Variants in FTO observed in about 807,000 individuals in gnomAD.
FTO encodes the protein alpha-ketoglutarate-dependent dioxygenase FTO.
Under a neutral mutation model 63.9 loss-of-function variants are expected in FTO, and 47 were observed. The ratio of observed to expected loss-of-function variants is 0.74; its 90% CI spans 0.58 to 0.94. FTO has a LOEUF of 0.94. Among genes scored for constraint, FTO ranks in the 40% least tolerant of loss-of-function variants. The pLI is 0.00. For synonymous variants in FTO, 207 were observed against 224.4 expected, an observed-to-expected ratio of 0.92 and a Z score of 0.69; for missense variants, 562 against 618.1, an observed-to-expected ratio of 0.91 and a Z score of 0.96.
intron 1 of FTO, among the ~76,000 whole-genome samples, chr16:53,799,234 A>G (rs949102996): frequency 3.9e-5 from 6 of 152,060 alleles, no homozygotes; most frequent in African/African-American, 1.4e-4. Context: ...AATTTTCTGG[A>G]TTAATTTATG....
At chr16:53,906,333 G>A (rs1235214020) in intron 7 of FTO, among the ~76,000 whole-genome samples, 3 of 152,188 alleles carry the variant, frequency 2.0e-5, no homozygotes, top group Admixed American at 1.3e-4. Flanking sequence ...GATAATTACT[G>A]TTCAACAGGC....
chr16:53,768,372 A>G (rs1396950560), intron 1 of FTO, among the ~76,000 whole-genome samples: 1 of 152,224 alleles, frequency 6.6e-6, no homozygotes, highest in Non-Finnish European at 1.5e-5. Context: ...TTCCTAGTAC[A>G]GTGCCTGGCA....
chr16:53,866,667 C>A (rs1395907804), intron 4 of FTO, among the ~76,000 whole-genome samples: 1 of 151,964 alleles, frequency 6.6e-6, no homozygotes, highest in Non-Finnish European at 1.5e-5. Context: ...TAACTATTGA[C>A]ATCATTTTAA....
chr16:53,999,577 A>T (rs1486828789), intron 8 of FTO: 1 of 152,252 alleles, frequency 6.6e-6, no homozygotes, highest in East Asian at 1.9e-4. Context: ...AGAATGTGGT[A>T]CTGCACATTT....
chr16:53,850,446 C>T (rs1250227657), intron 4 of FTO, among the ~76,000 whole-genome samples: 1 of 151,552 alleles, frequency 6.6e-6, no homozygotes, highest in Non-Finnish European at 1.5e-5. Flanking sequence ...TACTTGATAT[C>T]TGATTTTTTT....
At chr16:53,765,365 T>G (rs1462172037) in intron 1 of FTO, among the ~76,000 whole-genome samples, 1 of 101,678 alleles carries the variant, frequency 9.8e-6, no homozygotes. Context: ...GAGACCAGCC[T>G]GGGCAATATG....
In FTO at chr16:54,111,951, A is replaced by C. The variant is rs2086900413; in HGVS notation, c.*36A>C. On this transcript the variant is annotated 3_prime_UTR_variant, in exon 9 of 9. Coordinates refer to ENST00000471389, the MANE Select transcript of FTO (RefSeq NM_001080432.3). The stretch of plus-strand genomic sequence containing the variant: ...AGTCTCAGGCGGAGGAGAAAAAGAG[A>C]TCGGCTTTTCTCCTCCAACGTTGTC... The C allele has an allele frequency of 6.2e-7, 1 of 1,613,032 alleles. No homozygotes were observed. Among genetic ancestry groups the C allele is most frequent in the African/African-American group, 1.3e-5 (1 of 74,878 alleles).
At chr16:53,867,637 C>T (rs2080361616) in intron 4 of FTO, among the ~76,000 whole-genome samples, 1 of 151,880 alleles carries the variant, frequency 6.6e-6, no homozygotes, top group Non-Finnish European at 1.5e-5. Flanking sequence ...TTGGGGAATG[C>T]TCCATGTGAG....
intron 4 of FTO, among the ~76,000 whole-genome samples, chr16:53,856,251 T>G (rs1374559040): frequency 1.3e-5 from 2 of 152,186 alleles, no homozygotes; most frequent in Non-Finnish European, 2.9e-5. Context: ...GGAATGAGTT[T>G]GACTTTCCTC....
At chr16:54,048,999 T>C (rs1245945430) in intron 8 of FTO, among the ~76,000 whole-genome samples, 2 of 152,192 alleles carry the variant, frequency 1.3e-5, no homozygotes, top group Non-Finnish European at 2.9e-5. Context: ...GGAGATTTTT[T>C]TTTTCTCTTT....
intron 7 of FTO, among the ~76,000 whole-genome samples, chr16:53,926,297 C>G (rs1237395594): frequency 6.6e-6 from 1 of 152,204 alleles, no homozygotes; most frequent in East Asian, 1.9e-4. Context: ...TAGTTTGAAT[C>G]AAATCACAGA....
intron 8 of FTO, among the ~76,000 whole-genome samples, chr16:54,055,948 C>G (rs565444548): frequency 6.6e-6 from 1 of 152,316 alleles, no homozygotes; most frequent in East Asian, 1.9e-4. Context: ...TTGAGAAAGT[C>G]TTTGCCCTCC....
rs1193119292 is a variant in FTO, at chr16:53,756,099, C to T, written c.45+51870C>T. 2.0e-5 allele frequency among the ~76,000 whole-genome samples: 3 copies of T among 152,278 alleles called. No individual in the cohort carries two copies. The East Asian group carries it at 5.8e-4, about 29-fold the overall frequency. On this transcript the variant is annotated intron_variant, in intron 1 of 8. Coordinates refer to ENST00000471389, the MANE Select transcript of FTO (RefSeq NM_001080432.3). ...ACAGGTTCCTTTCCCCTTCTTTCAACTCCTCTAAATTAAAACAACCTACAA... is the reference window on the plus strand; with the variant it reads ...ACAGGTTCCTTTCCCCTTCTTTCAATTCCTCTAAATTAAAACAACCTACAA...
Position 54,038,599 on chromosome 16 carries a change from T to C in FTO, c.1365-73163T>C, listed in dbSNP as rs1348912142. On this transcript the variant is annotated intron_variant, in intron 8 of 8. Transcript: ENST00000471389. ...GGCCTAGTGGAGGCTGTTTGGGTCA[T>C]CTGGGTGGATCCCTCATGAATGGCT... Among the ~76,000 whole-genome samples the C allele has an allele frequency of 3.3e-5, 5 of 152,180 alleles. No individual in the cohort carries two copies. The East Asian group carries it at 9.6e-4, about 29-fold the overall frequency.
intron 1 of FTO, among the ~76,000 whole-genome samples, chr16:53,802,124 G>A (rs1242249045): frequency 6.6e-6 from 1 of 152,232 alleles, no homozygotes; most frequent in African/African-American, 2.4e-5. Flanking sequence ...CTTGCTATCT[G>A]TGGGGGATTG....
At chr16:53,704,855 G>T (rs1159879769) in intron 1 of FTO, among the ~76,000 whole-genome samples, 1 of 152,162 alleles carries the variant, frequency 6.6e-6, no homozygotes, top group Non-Finnish European at 1.5e-5. Context: ...TCATATCATT[G>T]TCACAGCAGA....
At chr16:53,838,179 A>G (rs542892496) in intron 3 of FTO, among the ~76,000 whole-genome samples, 10 of 152,316 alleles carry the variant, frequency 6.6e-5, no homozygotes, top group African/African-American at 2.2e-4. Flanking sequence ...ATTAGACTCC[A>G]TGGTACCAGC....
chr16:53,819,405 C>G (rs981918772), intron 2 of FTO, among the ~76,000 whole-genome samples: 1 of 152,184 alleles, frequency 6.6e-6, no homozygotes, highest in Non-Finnish European at 1.5e-5. Flanking sequence ...CTCGTCAGCT[C>G]AAGCAATACA....
chr16:53,730,746 C>G (rs1180725123), intron 1 of FTO, among the ~76,000 whole-genome samples: 1 of 152,164 alleles, frequency 6.6e-6, no homozygotes, highest in East Asian at 1.9e-4. Flanking sequence ...ATCTGCCTGC[C>G]TTGGCCTCCC....
Sources: gnomAD v4.1 joint callset for allele counts (sites outside exome capture counted in the v4.1 genomes callset) on GRCh38, gnomAD v4.1.1 for gene constraint, MANE v1.5 for transcripts, NCBI Gene and HGNC (gene_info 2026-07-23, HGNC 2026-07-21) for gene names.